The following SAMD8 variants were observed in gnomAD, a reference collection of about 807,000 sequenced individuals.
SAMD8 encodes the protein sterile alpha motif domain containing 8.
A neutral mutation model predicts 42.0 loss-of-function variants in SAMD8; 20 were observed. That is an observed-to-expected ratio of 0.48 (90% CI 0.34 to 0.69). The LOEUF (loss-of-function observed/expected upper bound fraction) is 0.69. Among genes scored for constraint, SAMD8 ranks in the 30% least tolerant of loss-of-function variants. The pLI is 0.01. For synonymous variants in SAMD8, 162 were observed against 173.0 expected, an observed-to-expected ratio of 0.94 and a Z score of 0.50; for missense variants, 328 against 511.6, an observed-to-expected ratio of 0.64 and a Z score of 3.46.
intron 1 of SAMD8, among the ~76,000 whole-genome samples, chr10:75,136,642 G>A (rs1839893394): frequency 6.6e-6 from 1 of 152,182 alleles, no homozygotes; most frequent in Admixed American, 6.6e-5. Flanking sequence ...AAATTGGCCT[G>A]TCAGAGGAAT....
chr10:75,109,279 G>A (rs1415451159), upstream of SAMD8: 19 of 1,217,478 alleles, frequency 1.6e-5, no homozygotes, highest in East Asian at 4.8e-4. Context: ...CAAGTCACAG[G>A]GGCCTCTGGA....
chr10:75,164,423 G>T, intron 2 of SAMD8: 23 of 608,122 alleles, frequency 3.8e-5, no homozygotes, highest in Non-Finnish European at 4.5e-5. Flanking sequence ...TGCTGTCAGA[G>T]AACCCTAACT....
chr10:75,119,298 G>A (rs899703731), intron 1 of SAMD8, among the ~76,000 whole-genome samples: 8 of 152,004 alleles, frequency 5.3e-5, no homozygotes, highest in African/African-American at 1.2e-4. Flanking sequence ...GGGATTACAG[G>A]GGTGCACCAC....
At chr10:75,162,481 C>T (rs1181849366) in intron 2 of SAMD8, among the ~76,000 whole-genome samples, 1 of 152,008 alleles carries the variant, frequency 6.6e-6, no homozygotes, top group Non-Finnish European at 1.5e-5. Flanking sequence ...GAAACCCCAT[C>T]TCTACTAAAA....
upstream of SAMD8, among the ~76,000 whole-genome samples, chr10:75,109,818 TTTTTG>T (rs59615618): frequency 6.7e-6 from 1 of 150,084 alleles, no homozygotes; most frequent in Non-Finnish European, 1.5e-5. Flanking sequence ...AAGGTGTTTT[TTTTTG>T]TTTTGTTTTG....
intron 3 of SAMD8, among the ~76,000 whole-genome samples, chr10:75,166,594 T>C (rs545492618): frequency 6.6e-6 from 1 of 152,044 alleles, no homozygotes; most frequent in East Asian, 1.9e-4. Context: ...GTGGTTACTA[T>C]TCTTATCATA....
At chr10:75,109,042 TCCACACGGCTGCAAGAAGACTTCCCTG>T (rs986316044), upstream of SAMD8, 1 of 1,611,660 alleles carries the variant, frequency 6.2e-7, no homozygotes, top group Middle Eastern at 1.7e-4. Context: ...CCAAACTTCG[TCCACACGGCTGCAAGAAGACTTCCCTG>T]CCCGCAGGAG....
At chr10:75,161,486 A>G (rs1173009878) in intron 2 of SAMD8, among the ~76,000 whole-genome samples, 2 of 152,084 alleles carry the variant, frequency 1.3e-5, no homozygotes, top group African/African-American at 2.4e-5. Context: ...CTTTTTTAGT[A>G]CTTTACTGTC....
intron 2 of SAMD8, among the ~76,000 whole-genome samples, chr10:75,160,093 A>G (rs926048453): frequency 3.9e-5 from 6 of 152,184 alleles, no homozygotes; most frequent in African/African-American, 1.4e-4. Context: ...AACTGCATCA[A>G]TCTGGGGCTT....
intron 1 of SAMD8, among the ~76,000 whole-genome samples, chr10:75,146,895 G>T (rs972537485): frequency 2.0e-5 from 3 of 152,072 alleles, no homozygotes; most frequent in African/African-American, 7.2e-5. Flanking sequence ...CTTTCACAGG[G>T]TTAGCTAAGT....
upstream of SAMD8, chr10:75,111,549 A>T: frequency 1.6e-6 from 2 of 1,242,954 alleles, no homozygotes; most frequent in Non-Finnish European, 2.0e-6. Context: ...GGCCGGGACG[A>T]TGCCTGCGCG....
chr10:75,160,569 C>G (rs1840535700), intron 2 of SAMD8, among the ~76,000 whole-genome samples: 1 of 152,130 alleles, frequency 6.6e-6, no homozygotes, highest in African/African-American at 2.4e-5. Context: ...AAAAGCTTAG[C>G]TCAAAATAAT....
At chr10:75,143,601 A>T (rs1840069113) in intron 1 of SAMD8, among the ~76,000 whole-genome samples, 1 of 151,440 alleles carries the variant, frequency 6.6e-6, no homozygotes, top group Admixed American at 6.6e-5. Flanking sequence ...ACTGTATTCT[A>T]GCTTGGCTTG....
At chr10:75,122,808 A>G (rs1379328252) in intron 1 of SAMD8, among the ~76,000 whole-genome samples, 3 of 152,106 alleles carry the variant, frequency 2.0e-5, no homozygotes, top group Non-Finnish European at 4.4e-5. Context: ...AATTTGTATT[A>G]TAAATGGGTA....
At chr10:75,117,340 T>C (rs1423509650) in intron 1 of SAMD8, among the ~76,000 whole-genome samples, 2 of 151,764 alleles carry the variant, frequency 1.3e-5, no homozygotes, top group African/African-American at 4.8e-5. Flanking sequence ...GAGGATCACC[T>C]GAGCCCAGGA....
chr10:75,157,211 A>G (rs1840431190), intron 2 of SAMD8, among the ~76,000 whole-genome samples: 1 of 152,134 alleles, frequency 6.6e-6, no homozygotes, highest in Non-Finnish European at 1.5e-5. Flanking sequence ...CGTTAAAAGA[A>G]TTAGGCAAAG....
chr10:75,140,397 G>A (rs776676547), intron 1 of SAMD8, among the ~76,000 whole-genome samples: 7 of 152,082 alleles, frequency 4.6e-5, no homozygotes, highest in Non-Finnish European at 7.4e-5. Flanking sequence ...GAGCCACCCC[G>A]CCCTGTCAAG....
At chr10:75,101,126 A>C (rs192961059) in intron 1 of SAMD8, among the ~76,000 whole-genome samples, 1 of 152,110 alleles carries the variant, frequency 6.6e-6, no homozygotes, top group Non-Finnish European at 1.5e-5. Context: ...TGTGGCTGCC[A>C]GTGGGGAACA....
intron 1 of SAMD8, among the ~76,000 whole-genome samples, chr10:75,119,626 ACACACGTGCG>A (rs1848959743): frequency 6.6e-6 from 1 of 152,224 alleles, no homozygotes; most frequent in Admixed American, 6.5e-5. Flanking sequence ...ACACATGCAC[ACACACGTGCG>A]CACACGTGAG....
Sources: allele counts gnomAD v4.1 joint callset (sites outside exome capture counted in the v4.1 genomes callset), GRCh38; gene constraint gnomAD v4.1.1; transcripts MANE v1.5; gene names NCBI Gene and HGNC (gene_info 2026-07-23, HGNC 2026-07-21).